The following LANCL2 variants were observed in gnomAD, a reference collection of about 807,000 sequenced individuals.
The protein encoded by LANCL2 is lanC-like protein 2.
LANCL2 carries 33 observed loss-of-function variants against 56.9 expected under a neutral mutation model. The observed-to-expected ratio is 0.58, with a 90% CI of 0.44 to 0.78. LANCL2 has a LOEUF of 0.78. Among genes scored for constraint, LANCL2 ranks in the 30% least tolerant of loss-of-function variants. The pLI is 0.00. For missense variants in LANCL2, 562 were observed against 580.2 expected (o/e 0.97, Z 0.32); for synonymous variants, 233 against 228.2 (o/e 1.02, Z -0.19).
At chr7:55,369,743 TG>T (rs1304336205) in intron 1 of LANCL2, among the ~76,000 whole-genome samples, 2 of 152,118 alleles carry the variant, frequency 1.3e-5, no homozygotes, top group East Asian at 3.9e-4. Context: ...AACCAGGAGA[TG>T]GGTACCATGC....
chr7:55,395,810 C>T lies in LANCL2; in HGVS notation c.323-2613C>T, dbSNP rs562375626. ...AAAAACTGGCGAAACAGGTGGATGC[C>T]GAGAATTACAGTCATGCATCGCTTC... is the stretch of plus-strand genomic sequence containing the variant. On this transcript the variant is annotated intron_variant, in intron 2 of 8. Transcript: ENST00000254770. 9.2e-5 allele frequency among the ~76,000 whole-genome samples: 14 copies of T among 152,274 alleles called. No homozygotes were observed. The South Asian group carries it at 2.7e-3, about 29-fold the overall frequency.
intron 6 of LANCL2, among the ~76,000 whole-genome samples, chr7:55,418,465 C>G (rs1229111873): frequency 6.6e-6 from 1 of 152,202 alleles, no homozygotes; most frequent in Non-Finnish European, 1.5e-5. Flanking sequence ...CAGGCTTGAG[C>G]CACTGTAACT....
intron 2 of LANCL2, among the ~76,000 whole-genome samples, chr7:55,393,411 A>T (rs1790214231): frequency 6.6e-6 from 1 of 152,222 alleles, no homozygotes; most frequent in East Asian, 1.9e-4. Context: ...ATGGGCCTAT[A>T]GTCCCAGCTA....
intron 1 of LANCL2, among the ~76,000 whole-genome samples, chr7:55,370,420 C>A (rs777251264): frequency 6.6e-6 from 1 of 152,182 alleles, no homozygotes; most frequent in Non-Finnish European, 1.5e-5. Context: ...TATACAGGAG[C>A]ATAAATACCA....
At chr7:55,373,174 A>G (rs1255397189) in intron 1 of LANCL2, among the ~76,000 whole-genome samples, 1 of 151,782 alleles carries the variant, frequency 6.6e-6, no homozygotes, top group Non-Finnish European at 1.5e-5. Flanking sequence ...AGGGCTTACT[A>G]TAATTCATTT....
At chr7:55,416,371 G>A (rs970977113) in intron 6 of LANCL2, among the ~76,000 whole-genome samples, 8 of 151,948 alleles carry the variant, frequency 5.3e-5, no homozygotes, top group South Asian at 2.1e-4. Context: ...CTGTAGCCTC[G>A]ACCTTCAGGG....
At chr7:55,380,831 A>G (rs1409663321) in intron 1 of LANCL2, among the ~76,000 whole-genome samples, 1 of 148,684 alleles carries the variant, frequency 6.7e-6, no homozygotes, top group Non-Finnish European at 1.5e-5. Flanking sequence ...GGTTCTATAG[A>G]GTATGTTACA....
At chr7:55,417,023 AGGCTGGAGTGCAGT>A (rs1370970755) in intron 6 of LANCL2, among the ~76,000 whole-genome samples, 1 of 116,656 alleles carries the variant, frequency 8.6e-6, no homozygotes, top group Non-Finnish European at 1.6e-5. Context: ...TCTGTCGCCC[AGGCTGGAGTGCAGT>A]GGCACGATCT....
chr7:55,395,201 A>G (rs1039560413), intron 2 of LANCL2, among the ~76,000 whole-genome samples: 2 of 152,272 alleles, frequency 1.3e-5, no homozygotes, highest in African/African-American at 4.8e-5. Context: ...ATTCAATTTT[A>G]AGAAAAAATA....
chr7:55,417,019 G>A (rs540896228), intron 6 of LANCL2, among the ~76,000 whole-genome samples: 5 of 116,386 alleles, frequency 4.3e-5, no homozygotes, highest in Non-Finnish European at 6.4e-5. Flanking sequence ...TCACTCTGTC[G>A]CCCAGGCTGG....
chr7:55,390,130 C>T (rs1288105257), intron 1 of LANCL2, among the ~76,000 whole-genome samples: 2 of 152,156 alleles, frequency 1.3e-5, no homozygotes, highest in South Asian at 2.1e-4. Flanking sequence ...CACGGAAGAA[C>T]ATTTCATTAT....
chr7:55,431,353 G>C lies in LANCL2; in HGVS notation c.*33G>C. 6.5e-7 allele frequency: 1 copy of C among 1,540,176 alleles called. No homozygotes were observed. The highest frequency in any genetic ancestry group is 8.9e-7 in the Non-Finnish European group (1 of 1,121,414). ...AAAAAGACAACTAAAATACCCATTT[G>C]GACCAAAAGCCACCAGATTGCTTAG... On this transcript the variant is annotated 3_prime_UTR_variant, in exon 9 of 9. Transcript: ENST00000254770.
Position 55,432,559 on chromosome 7 carries a change from G to A in LANCL2, c.*1239G>A, listed in dbSNP as rs1166155967. ...TCTGGGACTAGGTACTTCTCGTCTT[G>A]TGAGCTAAGGCTTGTGTCATGAAAG... is the stretch of plus-strand genomic sequence containing the variant. On this transcript the variant is annotated 3_prime_UTR_variant, in exon 9 of 9. Transcript: ENST00000254770. 6.6e-6 allele frequency: 1 copy of A among 152,174 alleles called. No individual in the cohort carries two copies. The highest frequency in any genetic ancestry group is 1.5e-5 in the Non-Finnish European group (1 of 68,038). 9.4% of individuals were successfully genotyped at this position (152,174 alleles called of 1,614,324 possible).
chr7:55,428,519 C>G, intron 8 of LANCL2, 72 bp downstream of exon 8: 2 of 1,215,318 alleles, frequency 1.6e-6, no homozygotes, highest in Non-Finnish European at 2.4e-6. Flanking sequence ...TGGACTGGCA[C>G]TGTTCATATT....
At position 55,388,483 on chromosome 7, in the gene LANCL2, C is replaced by G. The variant is rs555154828; in HGVS notation, c.205-3310C>G. On this transcript the variant is annotated intron_variant, in intron 1 of 8. Transcript: ENST00000254770. ...ATGGCTTGAACCTGGGAGGCAGAGG[C>G]TGCAGTGAGCCAAGATGGTGCCACT... Among the ~76,000 whole-genome samples, 199 of 152,216 alleles carry G rather than the reference C, an allele frequency of 1.3e-3. 3 individuals are homozygous for G. The highest frequency in any genetic ancestry group is 4.5e-3 in the African/African-American group (186 of 41,540).
At chr7:55,366,768 A>G (rs529180750) in intron 1 of LANCL2, among the ~76,000 whole-genome samples, 2 of 152,350 alleles carry the variant, frequency 1.3e-5, no homozygotes, top group East Asian at 3.9e-4. Context: ...TTGACATAAA[A>G]CAGATTAACA....
chr7:55,402,248 GC>G (rs1790341144), intron 5 of LANCL2, among the ~76,000 whole-genome samples: 2 of 138,472 alleles, frequency 1.4e-5, no homozygotes, highest in South Asian at 4.7e-4. Context: ...CGGGCGGGGG[GC>G]TGACCCCCCC....
intron 6 of LANCL2, among the ~76,000 whole-genome samples, chr7:55,415,226 G>A (rs778815972): frequency 3.3e-5 from 5 of 152,092 alleles, no homozygotes; most frequent in African/African-American, 4.8e-5. Flanking sequence ...ATTTGGAAAG[G>A]TAAATGCAAT....
At chr7:55,387,013 A>G (rs117191485) in intron 1 of LANCL2, among the ~76,000 whole-genome samples, 1 of 152,240 alleles carries the variant, frequency 6.6e-6, no homozygotes, top group East Asian at 1.9e-4. Context: ...TGAAGGTGAA[A>G]CTGATGAACT....
Sources: allele counts gnomAD v4.1 joint callset (sites outside exome capture counted in the v4.1 genomes callset), GRCh38; gene constraint gnomAD v4.1.1; transcripts MANE v1.5; gene names NCBI Gene and HGNC (gene_info 2026-07-23, HGNC 2026-07-21).